AP3S1: variants seen among roughly 807,000 people sequenced by gnomAD.
AP3S1 encodes the protein adaptor related protein complex 3 subunit sigma 1.
A neutral mutation model predicts 21.3 loss-of-function variants in AP3S1; 12 were observed. The observed-to-expected ratio is 0.56, with a 90% CI of 0.36 to 0.91. The LOEUF (loss-of-function observed/expected upper bound fraction) is 0.91, where lower values mean the gene tolerates loss of function less well. Ranked by LOEUF, AP3S1 falls within the 40% of genes least tolerant of loss-of-function variation. AP3S1 has a pLI of 0.01. For synonymous variants in AP3S1, 48 were observed against 78.4 expected (o/e 0.61, Z 2.05); for missense variants, 116 against 225.0 (o/e 0.52, Z 3.10).
intron 3 of AP3S1, among the ~76,000 whole-genome samples, chr5:115,887,761 A>G (rs1345244315): frequency 1.3e-5 from 2 of 152,146 alleles, no homozygotes; most frequent in African/African-American, 2.4e-5. Flanking sequence ...CAAGGCTAGA[A>G]TTTAAGTATA....
chr5:115,878,574 G>A (rs1250984786), intron 3 of AP3S1, among the ~76,000 whole-genome samples: 8 of 152,184 alleles, frequency 5.3e-5, no homozygotes, highest in Admixed American at 1.3e-4. Context: ...TTTGGCACCA[G>A]TACCATGCTG....
chr5:115,892,838 G>GGATA (rs1274727861), intron 3 of AP3S1, among the ~76,000 whole-genome samples: 1 of 152,154 alleles, frequency 6.6e-6, no homozygotes, highest in Non-Finnish European at 1.5e-5. Flanking sequence ...GTAACACAAA[G>GGATA]GATAAATGCT....
rs376234644 is a variant in AP3S1, at chr5:115,873,069, G to A, written c.273+2941G>A. On this transcript the variant is annotated intron_variant, in intron 3 of 5. Coordinates refer to ENST00000316788, the MANE Select transcript of AP3S1 (RefSeq NM_001284.4). ...GAAGAGAAATGTTGCTATTAAGAAA[G>A]ACCAAAACAAATGTGTCTTTTCCTA... 2.8e-4 allele frequency among the ~76,000 whole-genome samples: 42 copies of A among 152,222 alleles called. 1 individual carries two copies. In the East Asian group the frequency reaches 5.0e-3, roughly 18 times the overall value.
intron 1 of AP3S1, among the ~76,000 whole-genome samples, chr5:115,861,166 T>C (rs192320896): frequency 1.3e-5 from 2 of 152,286 alleles, no homozygotes; most frequent in East Asian, 3.9e-4. Flanking sequence ...CTAATTTTAA[T>C]TGAGAGTCAG....
intron 1 of AP3S1, among the ~76,000 whole-genome samples, chr5:115,846,201 G>GTC (rs1370562631): frequency 2.6e-5 from 4 of 152,102 alleles, no homozygotes; most frequent in Non-Finnish European, 4.4e-5. Flanking sequence ...TAGAGAAAAG[G>GTC]TCTCACTATG....
intron 3 of AP3S1, among the ~76,000 whole-genome samples, chr5:115,885,696 A>G (rs969523126): frequency 2.0e-5 from 3 of 152,332 alleles, no homozygotes; most frequent in South Asian, 2.1e-4. Flanking sequence ...ATACTTTACC[A>G]GCTATCTAGG....
intron 3 of AP3S1, among the ~76,000 whole-genome samples, chr5:115,875,727 C>G (rs1175557067): frequency 2.6e-5 from 4 of 152,132 alleles, no homozygotes; most frequent in Non-Finnish European, 5.9e-5. Flanking sequence ...AATTCTGCCT[C>G]CTACATTATA....
intron 3 of AP3S1, among the ~76,000 whole-genome samples, chr5:115,886,680 T>C (rs1437352140): frequency 6.6e-6 from 1 of 152,198 alleles, no homozygotes; most frequent in East Asian, 1.9e-4. Flanking sequence ...TTTTCAACTG[T>C]GTGGAGAGTC....
intron 3 of AP3S1, among the ~76,000 whole-genome samples, chr5:115,881,336 C>T (rs1316628671): frequency 6.6e-6 from 1 of 152,128 alleles, no homozygotes; most frequent in Non-Finnish European, 1.5e-5. Context: ...ATGGCTGGTA[C>T]CGGTTTTTCC....
intron 4 of AP3S1, chr5:115,898,897 T>C (rs1021354975): frequency 5.3e-5 from 8 of 152,268 alleles, no homozygotes; most frequent in African/African-American, 1.9e-4. Context: ...TGCTGAGTTA[T>C]CTGCCCATTT....
intron 2 of AP3S1, among the ~76,000 whole-genome samples, chr5:115,868,320 G>A (rs1402670341): frequency 1.3e-5 from 2 of 152,098 alleles, no homozygotes; most frequent in African/African-American, 4.8e-5. Context: ...ATTCAGAATG[G>A]AGTAAAGCCT....
At chr5:115,851,017 G>T (rs1474658962) in intron 1 of AP3S1, among the ~76,000 whole-genome samples, 1 of 152,194 alleles carries the variant, frequency 6.6e-6, no homozygotes, top group Non-Finnish European at 1.5e-5. Flanking sequence ...GTAGTTTATA[G>T]TGTGTGGTGC....
At chr5:115,868,929 G>T (rs1229406967) in intron 2 of AP3S1, among the ~76,000 whole-genome samples, 1 of 96,658 alleles carries the variant, frequency 1.0e-5, no homozygotes, top group African/African-American at 4.0e-5. Context: ...ATGAAGGGAG[G>T]GAGGGAGGGA....
intron 4 of AP3S1, among the ~76,000 whole-genome samples, chr5:115,895,568 GGGACTGATACTGATCAACA>G (rs1750691877): frequency 6.6e-6 from 1 of 152,116 alleles, no homozygotes; most frequent in Non-Finnish European, 1.5e-5. Context: ...TTTGTGAGGA[GGGACTGATACTGATCAACA>G]GGCCTAGTTT....
intron 5 of AP3S1, among the ~76,000 whole-genome samples, chr5:115,906,628 A>C (rs1047492787): frequency 1.3e-5 from 2 of 152,120 alleles, no homozygotes; most frequent in Non-Finnish European, 2.9e-5. Context: ...GAACCTGCCT[A>C]AGAATAAAAG....
At chr5:115,851,232 G>A (rs1561472119) in intron 1 of AP3S1, among the ~76,000 whole-genome samples, 1 of 152,156 alleles carries the variant, frequency 6.6e-6, no homozygotes, top group African/African-American at 2.4e-5. Context: ...CCGTTTGTCA[G>A]TGGAAACTTG....
chr5:115,870,461 C>T (rs147108040), intron 3 of AP3S1, among the ~76,000 whole-genome samples: 36 of 152,286 alleles, frequency 2.4e-4, no homozygotes, highest in African/African-American at 8.2e-4. Context: ...CATAATGTCC[C>T]TGGAACTCAA....
intron 1 of AP3S1, among the ~76,000 whole-genome samples, chr5:115,859,959 A>G (rs1461225597): frequency 1.3e-5 from 2 of 152,198 alleles, no homozygotes; most frequent in Non-Finnish European, 2.9e-5. Context: ...TAGTGGCTTA[A>G]AACAACCCAA....
At chr5:115,866,886 C>T in intron 2 of AP3S1, 125 bp downstream of exon 2, 1 of 442,470 alleles carries the variant, frequency 2.3e-6, no homozygotes, top group Non-Finnish European at 3.9e-6. Context: ...TTAATTGCCA[C>T]CTATGTTAGC....
Sources: gnomAD v4.1 joint callset for allele counts (sites outside exome capture counted in the v4.1 genomes callset) on GRCh38, gnomAD v4.1.1 for gene constraint, MANE v1.5 for transcripts, NCBI Gene and HGNC (gene_info 2026-07-23, HGNC 2026-07-21) for gene names.